Variants in SYNJ1 observed in about 807,000 individuals in gnomAD.
The protein encoded by SYNJ1 is synaptojanin 1.
A neutral mutation model predicts 168.2 loss-of-function variants in SYNJ1; 78 were observed. The observed-to-expected ratio is 0.46, with a 90% CI of 0.39 to 0.56. The LOEUF (loss-of-function observed/expected upper bound fraction) is 0.56. SYNJ1 is among the 20% of genes least tolerant of loss of function. The pLI, the probability that SYNJ1 is intolerant of heterozygous loss-of-function variation, is 0.00. For synonymous variants in SYNJ1, 539 were observed against 548.6 expected (o/e 0.98, Z 0.24); for missense variants, 1,303 against 1,597.6 (o/e 0.82, Z 3.14).
chr21:32,650,212 T>G lies in SYNJ1; in HGVS notation c.3009A>C (p.Ala1003=), dbSNP rs746423701. Reference sequence around the variant, plus strand: ...CCATATCAAAATCTGCTGCAACCTCTGCATCTTCACCAAGCAGGGTAGAGC... The same window carrying G: ...CCATATCAAAATCTGCTGCAACCTCGGCATCTTCACCAAGCAGGGTAGAGC... ...STSSTLLGED[A]EVAADFDMEG... Residue 1003 remains alanine (A), a synonymous_variant, in exon 23 of 33, where the codon GCA becomes GCC. Transcript: ENST00000674351. The G allele has an allele frequency of 3.7e-6, 6 of 1,609,476 alleles. No homozygotes were observed. The highest frequency in any genetic ancestry group is 1.6e-4 in the Middle Eastern group (1 of 6,070).
rs573967091 is a variant in SYNJ1, at chr21:32,662,386, T to C, written c.2304+2527A>G. ...TAAAACAATCTTTCTGTTCTATAGT[T>C]ACTATGAATGCCTAGGAACTTTAAA... On this transcript the variant is annotated intron_variant, in intron 18 of 32. Coordinates refer to ENST00000674351, the MANE Select transcript of SYNJ1 (RefSeq NM_203446.3). Among the ~76,000 whole-genome samples, 3 of 152,312 alleles carry C rather than the reference T, an allele frequency of 2.0e-5. No homozygotes were observed. In the East Asian group the frequency reaches 5.8e-4, roughly 29 times the overall value.
chr21:32,695,401 A>T (rs1050907609), intron 4 of SYNJ1, 119 bp from the exon 5 acceptor site: 3 of 962,612 alleles, frequency 3.1e-6, no homozygotes, highest in Non-Finnish European at 4.5e-6. Flanking sequence ...ACAAACAACA[A>T]ATCAATTCAT....
At chr21:32,704,924 C>G (rs945528684) in intron 2 of SYNJ1, among the ~76,000 whole-genome samples, 1 of 151,724 alleles carries the variant, frequency 6.6e-6, no homozygotes, top group Non-Finnish European at 1.5e-5. Flanking sequence ...CCCAGGTGGG[C>G]GGATTATGAG....
Position 32,665,046 on chromosome 21 carries a change from T to C in SYNJ1, c.2171A>G (p.Tyr724Cys), listed in dbSNP as rs201485861. The change falls in exon 18 of 33, where the codon TAT (tyrosine) becomes TGT (cysteine). Residue 724 changes from tyrosine (Y) to cysteine (C), a missense_variant. Tyr to Cys is a radical substitution (Grantham distance 194). Coordinates refer to ENST00000674351, the MANE Select transcript of SYNJ1 (RefSeq NM_203446.3). ...PMGRMLFSHDYVFWCGDFNYR... is the reference protein window; with the variant it reads ...PMGRMLFSHDCVFWCGDFNYR... ...GTTGAAATCACCACACCAAAATACA[T>C]AGTCATGGGAAAATAGCATCCTTCC... 6.0e-5 allele frequency: 97 copies of C among 1,606,568 alleles called. No individual in the cohort carries two copies. Among genetic ancestry groups the C allele is most frequent in the Non-Finnish European group, 7.5e-5 (88 of 1,176,070 alleles).
chr21:32,727,333 G>C (rs1455258762), intron 1 of SYNJ1, among the ~76,000 whole-genome samples: 1 of 152,172 alleles, frequency 6.6e-6, no homozygotes, highest in East Asian at 1.9e-4. Flanking sequence ...GAAAGGAGCG[G>C]AGGTGGGAGG....
chr21:32,665,896 A>T (rs768649078), intron 17 of SYNJ1, 47 bp downstream of exon 17: 84 of 1,503,754 alleles, frequency 5.6e-5, no homozygotes, highest in Non-Finnish European at 7.0e-5. Context: ...GGCAAATTAA[A>T]ATATATTTCA....
chr21:32,699,566 G>A (rs1303076685), intron 4 of SYNJ1, among the ~76,000 whole-genome samples: 1 of 152,106 alleles, frequency 6.6e-6, no homozygotes, highest in Non-Finnish European at 1.5e-5. Context: ...GAGTTCCGGG[G>A]CATTCTTTCC....
At chr21:32,715,049 T>C (rs371774537) in intron 2 of SYNJ1, among the ~76,000 whole-genome samples, 7 of 152,160 alleles carry the variant, frequency 4.6e-5, no homozygotes, top group Non-Finnish European at 8.8e-5. Flanking sequence ...TCTAAGAGAA[T>C]TGATAAAACT....
chr21:32,725,904 G>C (rs1187423399), intron 2 of SYNJ1, among the ~76,000 whole-genome samples: 3 of 152,120 alleles, frequency 2.0e-5, no homozygotes, highest in Non-Finnish European at 4.4e-5. Flanking sequence ...GCAGTGGCGA[G>C]ATCAAGGCTC....
At chr21:32,694,196 A>C (rs761220412) in intron 6 of SYNJ1, 32 bp downstream of exon 6, 5 of 1,485,874 alleles carry the variant, frequency 3.4e-6, no homozygotes, top group Non-Finnish European at 4.5e-6. Flanking sequence ...AATTGTTCAA[A>C]AAACAAAAAT....
intron 2 of SYNJ1, among the ~76,000 whole-genome samples, chr21:32,704,320 T>C (rs2042523457): frequency 6.6e-6 from 1 of 152,188 alleles, no homozygotes; most frequent in Non-Finnish European, 1.5e-5. Context: ...AAGTGCATAC[T>C]CTTAGAGCCA....
intron 6 of SYNJ1, among the ~76,000 whole-genome samples, chr21:32,690,844 GC>G (rs2041997090): frequency 6.6e-6 from 1 of 152,180 alleles, no homozygotes; most frequent in Admixed American, 6.5e-5. Flanking sequence ...ATCACTTGAA[GC>G]CGGGAGGCGG....
chr21:32,656,746 A>G lies in SYNJ1; in HGVS notation c.2736T>C (p.Asp912=). 1 of 1,614,132 alleles carries G rather than the reference A, an allele frequency of 6.2e-7. No individual in the cohort carries two copies. The highest frequency in any genetic ancestry group is 8.5e-7 in the Non-Finnish European group (1 of 1,180,006). The change falls in exon 21 of 33, where the codon GAT becomes GAC. Residue 912 remains aspartate (D), a synonymous_variant. Coordinates refer to ENST00000674351, the MANE Select transcript of SYNJ1 (RefSeq NM_203446.3). ...SSLPENNFFD[D]ALIDELLQQF... ...GCTGCAGAAGCTCATCAATCAAGGCATCATCAAAAAAATTATTTTCTGGTA... is the reference window on the plus strand; with the variant it reads ...GCTGCAGAAGCTCATCAATCAAGGCGTCATCAAAAAAATTATTTTCTGGTA...
intron 11 of SYNJ1, among the ~76,000 whole-genome samples, chr21:32,679,022 A>C (rs1269398194): frequency 6.6e-6 from 1 of 152,210 alleles, no homozygotes; most frequent in Non-Finnish European, 1.5e-5. Context: ...AAGAAATGAA[A>C]AAGCTCAGTG....
chr21:32,662,686 G>A (rs897868710), intron 18 of SYNJ1, among the ~76,000 whole-genome samples: 2 of 152,184 alleles, frequency 1.3e-5, no homozygotes, highest in Admixed American at 1.3e-4. Flanking sequence ...TGGGAAAAAG[G>A]CTATATGACC....
chr21:32,693,517 A>AT (rs149068697), intron 6 of SYNJ1, among the ~76,000 whole-genome samples: 4 of 151,846 alleles, frequency 2.6e-5, no homozygotes, highest in East Asian at 1.9e-4. Context: ...AGGAAGAAAG[A>AT]TTTTTTTTTC....
At chr21:32,671,220 TCTC>T (rs1171403759) in intron 14 of SYNJ1, among the ~76,000 whole-genome samples, 1 of 151,710 alleles carries the variant, frequency 6.6e-6, no homozygotes, top group East Asian at 1.9e-4. Flanking sequence ...GGAGGGAGGA[TCTC>T]TTGAGCCCAG....
At chr21:32,697,168 CTT>C (rs942051031) in intron 4 of SYNJ1, among the ~76,000 whole-genome samples, 3 of 152,120 alleles carry the variant, frequency 2.0e-5, no homozygotes, top group African/African-American at 7.2e-5. Context: ...TTATACATGA[CTT>C]TTGACTGGCA....
chr21:32,650,348 T>G lies in SYNJ1; in HGVS notation c.2875-2A>C, dbSNP rs1169614444. On this transcript the variant is annotated splice_acceptor_variant, in intron 22 of 32. Transcript: ENST00000674351. LOFTEE classifies it high-confidence loss of function. The stretch of plus-strand genomic sequence containing the variant: ...AATAGTTATAGTCCGATTCAATAAC[T>G]AGCGGAGTAAAAGAGATATAAAATA... 6.2e-7 allele frequency: 1 copy of G among 1,600,210 alleles called. No homozygotes were observed. The highest frequency in any genetic ancestry group is 1.1e-5 in the South Asian group (1 of 87,690).
Sources: allele counts gnomAD v4.1 joint callset (sites outside exome capture counted in the v4.1 genomes callset), GRCh38; gene constraint gnomAD v4.1.1; transcripts MANE v1.5; gene names NCBI Gene and HGNC (gene_info 2026-07-23, HGNC 2026-07-21).